C8orf34: variants seen among roughly 807,000 people sequenced by gnomAD.
C8orf34 encodes the protein chromosome 8 open reading frame 34, also known as uncharacterized protein C8orf34.
C8orf34 carries 65 observed loss-of-function variants against 68.3 expected under a neutral mutation model. The observed-to-expected ratio is 0.95, with a 90% CI of 0.78 to 1.17. The LOEUF (loss-of-function observed/expected upper bound fraction) is 1.17. C8orf34 is among the 50% of genes most tolerant of loss of function. C8orf34 has a pLI of 0.00. For missense variants in C8orf34, 664 were observed against 655.4 expected (o/e 1.01, Z -0.14); for synonymous variants, 244 against 241.2 (o/e 1.01, Z -0.11).
intron 10 of C8orf34, among the ~76,000 whole-genome samples, chr8:68,764,406 G>A (rs1823110962): frequency 6.6e-6 from 1 of 152,206 alleles, no homozygotes; most frequent in Non-Finnish European, 1.5e-5. Context: ...TTGGGTCTGT[G>A]GAGTCAACAA....
At chr8:68,782,527 C>T (rs1823709250) in intron 11 of C8orf34, among the ~76,000 whole-genome samples, 1 of 108,788 alleles carries the variant, frequency 9.2e-6, no homozygotes, top group African/African-American at 6.1e-5. Flanking sequence ...ATAGATACTA[C>T]TTATGAGTAC....
At chr8:68,595,618 G>T (rs1817526264) in intron 7 of C8orf34, among the ~76,000 whole-genome samples, 1 of 151,944 alleles carries the variant, frequency 6.6e-6, no homozygotes, top group Non-Finnish European at 1.5e-5. Flanking sequence ...TTGAATCTGA[G>T]GACTTGTATG....
chr8:68,557,319 T>G (rs59121536), intron 7 of C8orf34, among the ~76,000 whole-genome samples: 31,805 of 152,130 alleles, frequency 0.21, 4,283 homozygotes, highest in African/African-American at 0.39. Flanking sequence ...TCTTGTAAAT[T>G]AAATTTTCTA....
intron 10 of C8orf34, among the ~76,000 whole-genome samples, chr8:68,775,573 G>C (rs1270819378): frequency 6.6e-6 from 1 of 152,124 alleles, no homozygotes; most frequent in Non-Finnish European, 1.5e-5. Flanking sequence ...CATACTAATA[G>C]GTTAAGAAAG....
intron 5 of C8orf34, among the ~76,000 whole-genome samples, chr8:68,521,551 G>C (rs1295633694): frequency 6.6e-6 from 1 of 152,112 alleles, no homozygotes; most frequent in Non-Finnish European, 1.5e-5. Context: ...TTTCCTGAGA[G>C]CACACTTGCA....
intron 8 of C8orf34, among the ~76,000 whole-genome samples, chr8:68,668,039 T>C (rs544401921): frequency 6.6e-6 from 1 of 152,220 alleles, no homozygotes; most frequent in African/African-American, 2.4e-5. Context: ...AATTTAGAAA[T>C]AATTGACAGC....
At chr8:68,454,615 T>C (rs992633346) in intron 3 of C8orf34, among the ~76,000 whole-genome samples, 1 of 152,062 alleles carries the variant, frequency 6.6e-6, no homozygotes, top group Non-Finnish European at 1.5e-5. Context: ...CACTTTTGTT[T>C]CTAATTTTAA....
chr8:68,396,630 G>A (rs1404468081), intron 1 of C8orf34, among the ~76,000 whole-genome samples: 1 of 145,892 alleles, frequency 6.9e-6, no homozygotes, highest in Non-Finnish European at 1.5e-5. Context: ...CAATAGAAGT[G>A]GATCCCTCAT....
At chr8:68,591,643 C>T (rs1026465736) in intron 7 of C8orf34, among the ~76,000 whole-genome samples, 5 of 152,154 alleles carry the variant, frequency 3.3e-5, no homozygotes, top group Non-Finnish European at 7.3e-5. Flanking sequence ...TCTCGTTCGA[C>T]GTTATGAATG....
intron 7 of C8orf34, among the ~76,000 whole-genome samples, chr8:68,629,962 A>T (rs536377580): frequency 7.3e-4 from 111 of 152,252 alleles, no homozygotes; most frequent in Non-Finnish European, 1.3e-3. Context: ...TTTGAATAGA[A>T]TCAATAATAT....
At chr8:68,507,824 T>C (rs961411392) in intron 5 of C8orf34, among the ~76,000 whole-genome samples, 3 of 152,226 alleles carry the variant, frequency 2.0e-5, no homozygotes, top group African/African-American at 7.2e-5. Context: ...TATAGTTTGA[T>C]TCCTCTCTTC....
intron 1 of C8orf34, among the ~76,000 whole-genome samples, chr8:68,398,581 A>G (rs1229538068): frequency 6.6e-6 from 1 of 152,190 alleles, no homozygotes. Flanking sequence ...TGACAATAGT[A>G]ACCATTTCAC....
chr8:68,535,733 G>C (rs1815439135), intron 7 of C8orf34: 1 of 932,958 alleles, frequency 1.1e-6, no homozygotes, highest in South Asian at 5.0e-5. Flanking sequence ...AATATTTTCT[G>C]TAAGATTGCT....
chr8:68,460,958 T>C (rs1811791069), intron 3 of C8orf34, among the ~76,000 whole-genome samples: 1 of 152,020 alleles, frequency 6.6e-6, no homozygotes, highest in East Asian at 1.9e-4. Context: ...ACATGACGAG[T>C]TGTGAGAAGA....
chr8:68,705,469 T>C (rs1308657300), intron 8 of C8orf34, among the ~76,000 whole-genome samples: 1 of 151,694 alleles, frequency 6.6e-6, no homozygotes, highest in Non-Finnish European at 1.5e-5. Flanking sequence ...CAAATAGAGG[T>C]TAACGCAAGG....
At chr8:68,741,811 T>C (rs765703150) in intron 10 of C8orf34, among the ~76,000 whole-genome samples, 5 of 152,234 alleles carry the variant, frequency 3.3e-5, no homozygotes, top group African/African-American at 1.2e-4. Flanking sequence ...TCTCATTCTT[T>C]TGTATAGATG....
intron 8 of C8orf34, among the ~76,000 whole-genome samples, chr8:68,677,983 A>G (rs1820245578): frequency 6.6e-6 from 1 of 152,140 alleles, no homozygotes; most frequent in African/African-American, 2.4e-5. Flanking sequence ...GAAAACCTAA[A>G]AGAAGTGGAT....
At chr8:68,486,918 G>A (rs1205574417) in intron 4 of C8orf34, among the ~76,000 whole-genome samples, 1 of 152,134 alleles carries the variant, frequency 6.6e-6, no homozygotes, top group Admixed American at 6.6e-5. Flanking sequence ...TCCCTACAGG[G>A]GTTTGACACC....
chr8:68,401,859 T>TTTTG (rs962001710), intron 1 of C8orf34, among the ~76,000 whole-genome samples: 15 of 98,274 alleles, frequency 1.5e-4, no homozygotes, highest in Non-Finnish European at 1.5e-4. Context: ...TACAGTTCTC[T>TTTTG]TTTGTGTGTG....
Sources: gnomAD v4.1 joint callset for allele counts (sites outside exome capture counted in the v4.1 genomes callset) on GRCh38, gnomAD v4.1.1 for gene constraint, MANE v1.5 for transcripts, NCBI Gene and HGNC (gene_info 2026-07-23, HGNC 2026-07-21) for gene names.